The following CLSTN2 variants were observed in gnomAD, a reference collection of about 807,000 sequenced individuals.
CLSTN2 encodes the protein calsyntenin-2.
Under a neutral mutation model 101.2 loss-of-function variants are expected in CLSTN2, and 48 were observed. The observed-to-expected ratio is 0.47, with a 90% CI of 0.38 to 0.60. CLSTN2 has a LOEUF of 0.60. Among genes scored for constraint, CLSTN2 ranks in the 20% least tolerant of loss-of-function variants. CLSTN2 has a pLI of 0.00. For missense variants in CLSTN2, 1,160 were observed against 1,238.2 expected, an observed-to-expected ratio of 0.94 and a Z score of 0.95; for synonymous variants, 481 against 463.6, an observed-to-expected ratio of 1.04 and a Z score of -0.48.
intron 8 of CLSTN2, among the ~76,000 whole-genome samples, chr3:140,487,014 C>G (rs1313715231): frequency 6.6e-6 from 1 of 152,126 alleles, no homozygotes; most frequent in Non-Finnish European, 1.5e-5. Flanking sequence ...ATAGTGTCAG[C>G]CTTGCCTCAG....
intron 5 of CLSTN2, among the ~76,000 whole-genome samples, chr3:140,440,877 G>C (rs2088756569): frequency 6.6e-6 from 1 of 152,192 alleles, no homozygotes; most frequent in African/African-American, 2.4e-5. Context: ...ATAATTTGTG[G>C]GTCCCAGTAT....
intron 2 of CLSTN2, among the ~76,000 whole-genome samples, chr3:140,237,920 G>A (rs62266225): frequency 0.03 from 4,601 of 152,236 alleles, 115 homozygotes; most frequent in African/African-American, 0.07. Context: ...GTAATTTGAA[G>A]TCATAATCTC....
chr3:140,265,128 A>C (rs759583119), intron 2 of CLSTN2, among the ~76,000 whole-genome samples: 12 of 152,318 alleles, frequency 7.9e-5, no homozygotes, highest in Non-Finnish European at 1.6e-4. Flanking sequence ...AGGTCAGATA[A>C]CTTGCCTGAA....
chr3:139,950,748 A>T (rs1935282393), intron 1 of CLSTN2, among the ~76,000 whole-genome samples: 1 of 152,218 alleles, frequency 6.6e-6, no homozygotes, highest in Non-Finnish European at 1.5e-5. Flanking sequence ...AATACAAAGA[A>T]ATTAGAAGTT....
chr3:140,513,096 T>C (rs1934846460), intron 8 of CLSTN2, among the ~76,000 whole-genome samples: 1 of 152,240 alleles, frequency 6.6e-6, no homozygotes, highest in Admixed American at 6.5e-5. Context: ...TTAAATACTT[T>C]TATTTCTTTC....
chr3:140,408,366 A>C (rs1439529229), intron 4 of CLSTN2, among the ~76,000 whole-genome samples: 1 of 152,118 alleles, frequency 6.6e-6, no homozygotes, highest in East Asian at 1.9e-4. Flanking sequence ...TCTGGGAACA[A>C]AGAAGGGCGG....
At chr3:140,276,795 G>T (rs2086798717) in intron 2 of CLSTN2, among the ~76,000 whole-genome samples, 1 of 152,182 alleles carries the variant, frequency 6.6e-6, no homozygotes, top group African/African-American at 2.4e-5. Context: ...TCAAAGGATG[G>T]GGGAAGTCAA....
Position 140,562,871 on chromosome 3 carries a change from G to T in CLSTN2, c.2273G>T (p.Arg758Leu). The T allele has an allele frequency of 5.0e-6, 8 of 1,614,104 alleles. No homozygotes were observed. The highest frequency in any genetic ancestry group is 6.8e-6 in the Non-Finnish European group (8 of 1,180,004). ...CATCACATCCGCTACCGCAACTGGC[G>T]TCCGGCTTCCCTTGAGGCCCGGCGT... ...VLHHIRYRNW[R>L]PASLEARRFR... Residue 758 changes from arginine (R) to leucine (L), a missense_variant, in exon 14 of 17, where the codon CGT becomes CTT. Coordinates refer to ENST00000458420, the MANE Select transcript of CLSTN2 (RefSeq NM_022131.3).
intron 7 of CLSTN2, among the ~76,000 whole-genome samples, chr3:140,462,230 T>C (rs1183622139): frequency 6.6e-6 from 1 of 152,212 alleles, no homozygotes; most frequent in Non-Finnish European, 1.5e-5. Context: ...TATATAACAT[T>C]ATCTCCACAT....
intron 5 of CLSTN2, among the ~76,000 whole-genome samples, chr3:140,437,032 T>A (rs1003982217): frequency 5.4e-5 from 8 of 147,626 alleles, no homozygotes; most frequent in Non-Finnish European, 1.0e-4. Context: ...AGGGACCTTC[T>A]ACCTGCTGGG....
chr3:140,441,843 G>A (rs1427883563), intron 5 of CLSTN2, among the ~76,000 whole-genome samples: 2 of 152,156 alleles, frequency 1.3e-5, no homozygotes, highest in African/African-American at 4.8e-5. Flanking sequence ...TGGCTCCAAA[G>A]TGCCTCACAC....
At chr3:140,303,246 A>G (rs1041765676) in intron 2 of CLSTN2, among the ~76,000 whole-genome samples, 7 of 152,196 alleles carry the variant, frequency 4.6e-5, no homozygotes, top group Non-Finnish European at 8.8e-5. Context: ...ATATACCACA[A>G]GGCTTGAGGA....
intron 7 of CLSTN2, among the ~76,000 whole-genome samples, chr3:140,463,298 G>A (rs554360256): frequency 3.0e-4 from 45 of 152,306 alleles, no homozygotes; most frequent in Non-Finnish European, 5.7e-4. Context: ...CAGTGGCTAC[G>A]TACAGTGCTA....
intron 1 of CLSTN2, among the ~76,000 whole-genome samples, chr3:140,046,186 T>G (rs1232286409): frequency 6.6e-6 from 1 of 152,208 alleles, no homozygotes; most frequent in East Asian, 1.9e-4. Context: ...GCTTTATGAA[T>G]CTGGGTGCTC....
intron 8 of CLSTN2, among the ~76,000 whole-genome samples, chr3:140,479,040 C>T (rs1484399067): frequency 6.6e-6 from 1 of 152,082 alleles, no homozygotes; most frequent in Non-Finnish European, 1.5e-5. Context: ...CATAAACTCC[C>T]CTCAAATCCC....
chr3:140,441,844 T>C (rs778625390), intron 5 of CLSTN2, among the ~76,000 whole-genome samples: 9 of 152,144 alleles, frequency 5.9e-5, no homozygotes, highest in African/African-American at 9.7e-5. Flanking sequence ...GGCTCCAAAG[T>C]GCCTCACACT....
At chr3:140,305,954 C>T (rs1352519935) in intron 2 of CLSTN2, among the ~76,000 whole-genome samples, 3 of 151,938 alleles carry the variant, frequency 2.0e-5, no homozygotes, top group South Asian at 2.1e-4. Context: ...CTTTTATAAT[C>T]GGGTAAGGAA....
chr3:140,183,360 C>T (rs1476736428), intron 2 of CLSTN2, among the ~76,000 whole-genome samples: 1 of 152,088 alleles, frequency 6.6e-6, no homozygotes, highest in Non-Finnish European at 1.5e-5. Flanking sequence ...GGAAGGTCCT[C>T]GTAAACCAGA....
At chr3:140,218,492 C>T (rs1456258534) in intron 2 of CLSTN2, among the ~76,000 whole-genome samples, 3 of 152,160 alleles carry the variant, frequency 2.0e-5, no homozygotes, top group African/African-American at 4.8e-5. Flanking sequence ...TCATTAGAAG[C>T]AGCACCCAGT....
Sources: allele counts gnomAD v4.1 joint callset (sites outside exome capture counted in the v4.1 genomes callset), GRCh38; gene constraint gnomAD v4.1.1; transcripts MANE v1.5; gene names NCBI Gene and HGNC (gene_info 2026-07-23, HGNC 2026-07-21).